The following ARL9 variants were observed in gnomAD, a reference collection of about 807,000 sequenced individuals.
The protein encoded by ARL9 is ADP-ribosylation factor-like protein 9.
ARL9 carries 14 observed loss-of-function variants against 27.0 expected under a neutral mutation model. The ratio of observed to expected loss-of-function variants is 0.52; its 90% CI spans 0.34 to 0.81. The LOEUF is 0.81. Ranked by LOEUF, ARL9 falls within the 30% of genes least tolerant of loss-of-function variation. ARL9 has a pLI of 0.01. For synonymous variants in ARL9, 106 were observed against 108.7 expected (o/e 0.98, Z 0.15); for missense variants, 294 against 290.0 (o/e 1.01, Z -0.10).
chr4:56,523,933 A>C lies in ARL9; in HGVS notation c.*57A>C. 1 of 1,497,120 alleles carries C rather than the reference A, an allele frequency of 6.7e-7. No individual in the cohort carries two copies. The allele number at this position is 1,497,120 out of a possible 1,614,324, so 92.7% of individuals were successfully genotyped here. A position where few individuals can be genotyped will look rare whatever the true frequency, so the allele number is the denominator to read the frequency against. ...TGAGATGTCATCAGTGTTGAATGGC[A>C]GGCTTGAAGCCAAAGGTTTCCACCT... On this transcript the variant is annotated 3_prime_UTR_variant, in exon 4 of 4. Transcript: ENST00000640821.
intron 1 of ARL9, among the ~76,000 whole-genome samples, chr4:56,508,606 G>T (rs1405684829): frequency 6.6e-6 from 1 of 152,102 alleles, no homozygotes; most frequent in Non-Finnish European, 1.5e-5. Context: ...GGCTGGTCTC[G>T]AACTCCTGAC....
rs559644685 is a variant in ARL9 at position 56,520,112 on chromosome 4, C to T, written c.618+1259C>T. ...CCGCCTCCCAGGTTCAAGTGATTCT[C>T]ATGCCTCAACCTCCTGAGTAGCTGG... On this transcript the variant is annotated intron_variant, in intron 3 of 3. Coordinates refer to ENST00000640821, the MANE Select transcript of ARL9 (RefSeq NM_001363794.2). Among the ~76,000 whole-genome samples the T allele has an allele frequency of 3.3e-5, 5 of 152,188 alleles. No homozygotes were observed. In the South Asian group the frequency reaches 6.2e-4, roughly 19 times the overall value.
intron 1 of ARL9, 40 bp from the exon 2 acceptor site, chr4:56,511,145 T>G: frequency 6.7e-7 from 1 of 1,486,180 alleles, no homozygotes; most frequent in Non-Finnish European, 9.0e-7. Context: ...AATGAGCCCC[T>G]GATAGCATGG....
chr4:56,516,598 A>G (rs1204448047), intron 2 of ARL9, among the ~76,000 whole-genome samples: 1 of 151,194 alleles, frequency 6.6e-6, no homozygotes, highest in Non-Finnish European at 1.5e-5. Flanking sequence ...AAAAAAAAAA[A>G]AAAAGAAAAA....
intron 3 of ARL9, among the ~76,000 whole-genome samples, chr4:56,520,071 C>A (rs995366803): frequency 6.6e-6 from 1 of 151,258 alleles, no homozygotes; most frequent in Non-Finnish European, 1.5e-5. Context: ...GGCGCAATTT[C>A]GGCTAACCAC....
In ARL9 at chr4:56,522,290, G is replaced by A. The variant is rs529962252; in HGVS notation, c.619-1407G>A. On this transcript the variant is annotated intron_variant, in intron 3 of 3. Transcript: ENST00000640821. ...AGAAAAATTAGCTGGGTGTGGTGGC[G>A]CACACCTGTAATCCCAGCTACTTGG... 5.7e-4 allele frequency among the ~76,000 whole-genome samples: 87 copies of A among 151,878 alleles called. 1 individual carries two copies. Among genetic ancestry groups the A allele is most frequent in the African/African-American group, 1.8e-3 (76 of 41,468 alleles).
At chr4:56,514,722 G>C (rs1005972488) in intron 2 of ARL9, among the ~76,000 whole-genome samples, 1 of 152,150 alleles carries the variant, frequency 6.6e-6, no homozygotes, top group Non-Finnish European at 1.5e-5. Flanking sequence ...TTTGTTTATA[G>C]GTGGGCTCTT....
At chr4:56,511,093 A>T in intron 1 of ARL9, 92 bp from the exon 2 acceptor site, 1 of 1,269,174 alleles carries the variant, frequency 7.9e-7, no homozygotes, top group Non-Finnish European at 1.0e-6. Context: ...TATTCTGGTT[A>T]CAGTTCCAAG....
intron 3 of ARL9, among the ~76,000 whole-genome samples, chr4:56,523,345 C>T (rs1175355705): frequency 3.3e-5 from 5 of 152,114 alleles, no homozygotes; most frequent in South Asian, 4.1e-4. Flanking sequence ...GTCAAGATTG[C>T]GCCACTGCAC....
chr4:56,511,415 A>G, intron 2 of ARL9, 68 bp downstream of exon 2: 2 of 1,453,416 alleles, frequency 1.4e-6, no homozygotes, highest in South Asian at 2.8e-5. Context: ...ATATGATGTT[A>G]GCAACATTGA....
In ARL9 at chr4:56,523,824, C is replaced by T; in HGVS notation, c.746C>T (p.Thr249Ile). The T allele has an allele frequency of 6.2e-7, 1 of 1,614,030 alleles. No homozygotes were observed. Residue 249 changes from threonine to isoleucine, a missense_variant, in exon 4 of 4, where the codon ACC becomes ATC. Transcript: ENST00000640821. ...AAGAATGGCTCAGAGATACCCTCCA[C>T]CATGCAAGATGCCAAAGACTTGATT... ...LTKNGSEIPS[T>I]MQDAKDLIAQ... is the part of the protein sequence containing the mutation.
chr4:56,512,949 G>A (rs1721677017), intron 2 of ARL9, among the ~76,000 whole-genome samples: 1 of 152,098 alleles, frequency 6.6e-6, no homozygotes, highest in African/African-American at 2.4e-5. Flanking sequence ...CACCCAACTA[G>A]ATGGTAACTT....
chr4:56,510,690 CACA>C (rs1721613574), intron 1 of ARL9, among the ~76,000 whole-genome samples: 1 of 151,922 alleles, frequency 6.6e-6, no homozygotes, highest in Non-Finnish European at 1.5e-5. Flanking sequence ...AAATTAGTAT[CACA>C]TAATGAACAG....
At chr4:56,518,566 A>G (rs1017819718) in intron 2 of ARL9, 112 bp from the exon 3 acceptor site, 4 of 919,158 alleles carry the variant, frequency 4.4e-6, no homozygotes, top group Admixed American at 4.7e-5. Flanking sequence ...GTGATATTTT[A>G]TCAAAACACC....
At chr4:56,517,680 C>T (rs1162949562) in intron 2 of ARL9, among the ~76,000 whole-genome samples, 4 of 151,872 alleles carry the variant, frequency 2.6e-5, no homozygotes, top group Admixed American at 6.5e-5. Flanking sequence ...TGCCAATACT[C>T]CTCCTAGGAC....
chr4:56,519,273 A>G (rs529606687), intron 3 of ARL9, among the ~76,000 whole-genome samples: 2 of 152,300 alleles, frequency 1.3e-5, no homozygotes, highest in South Asian at 4.1e-4. Flanking sequence ...AGAATGTAAA[A>G]TGGTAGAGCT....
intron 1 of ARL9, 23 bp from the exon 2 acceptor site, chr4:56,511,162 T>C: frequency 6.5e-7 from 1 of 1,527,042 alleles, no homozygotes; most frequent in Non-Finnish European, 8.8e-7. Flanking sequence ...ATGGGCTTAT[T>C]GATTTATCTT....
chr4:56,514,592 T>C (rs1721723399), intron 2 of ARL9, among the ~76,000 whole-genome samples: 1 of 152,042 alleles, frequency 6.6e-6, no homozygotes, highest in South Asian at 2.1e-4. Flanking sequence ...GTGGCAAAAA[T>C]CCTCCAAACA....
In ARL9 at chr4:56,511,245, C is replaced by A. The variant is rs1426909619; in HGVS notation, c.340C>A (p.His114Asn). The change falls in exon 2 of 4, where the codon CAC becomes AAC. Residue 114 changes from histidine (H) to asparagine (N), a missense_variant. His to Asn is a moderately conservative substitution (Grantham distance 68). Transcript: ENST00000640821. ...TGGAGCAGGAAAAACCAGTGTCCTG[C>A]ACTCTCTAGCTTCAAACAGAGTCCA... ...LDGAGKTSVL[H>N]SLASNRVQHS... 1 of 1,613,590 alleles carries A rather than the reference C, an allele frequency of 6.2e-7. No homozygotes were observed. The highest frequency in any genetic ancestry group is 2.2e-5 in the East Asian group (1 of 44,884).
Sources: allele counts gnomAD v4.1 joint callset (sites outside exome capture counted in the v4.1 genomes callset), GRCh38; gene constraint gnomAD v4.1.1; transcripts MANE v1.5; gene names NCBI Gene and HGNC (gene_info 2026-07-23, HGNC 2026-07-21).